KLF8: variants seen among roughly 807,000 people sequenced by gnomAD.
KLF8 encodes the protein KLF transcription factor 8.
Under a neutral mutation model 18.2 loss-of-function variants are expected in KLF8, and 10 were observed. The observed-to-expected ratio is 0.55, with a 90% CI of 0.34 to 0.93. The LOEUF is 0.93. Ranked by LOEUF, KLF8 falls within the 40% of genes least tolerant of loss-of-function variation. KLF8 has a pLI of 0.02. For synonymous variants in KLF8, 109 were observed against 97.3 expected, an observed-to-expected ratio of 1.12 and a Z score of -0.71; for missense variants, 264 against 277.9, an observed-to-expected ratio of 0.95 and a Z score of 0.36.
chrX:55,908,755 C>T, the KLF8 span: 255 of 282,609 alleles, frequency 9.0e-4, no homozygotes, highest in Non-Finnish European at 1.4e-3. Context: ...GGCCCAGGCC[C>T]CGGGGCTGGG....
At chrX:56,123,271 A>AAAAGAAAGAAAGAAAG in the KLF8 span, among the ~76,000 whole-genome samples, 12 of 91,309 alleles carry the variant, frequency 1.3e-4, no homozygotes, top group African/African-American at 3.1e-4. Context: ...GAAAGAAAGA[A>AAAAGAAAGAAAGAAAG]AAAGAAAGAA....
chrX:56,078,313 C>T, the KLF8 span, among the ~76,000 whole-genome samples: 112 of 111,896 alleles, frequency 1.0e-3, no homozygotes, highest in African/African-American at 3.5e-3. Flanking sequence ...TGAGATACAT[C>T]CCATCAATAC....
chrX:56,072,513 G>A, the KLF8 span, among the ~76,000 whole-genome samples: 4 of 110,923 alleles, frequency 3.6e-5, no homozygotes, highest in Non-Finnish European at 5.7e-5. Context: ...AAATTCCCCC[G>A]CTAATATTAG....
At chrX:56,274,362 G>C (rs1013338734) in intron 5 of KLF8, among the ~76,000 whole-genome samples, 1 of 111,637 alleles carries the variant, frequency 9.0e-6, no homozygotes, top group Non-Finnish European at 1.9e-5. Context: ...TGGATTATTA[G>C]ATTTTTCTCC....
the KLF8 span, among the ~76,000 whole-genome samples, chrX:56,042,630 G>A: frequency 8.9e-6 from 1 of 112,049 alleles, no homozygotes; most frequent in Non-Finnish European, 1.9e-5. Flanking sequence ...TTGGTTTAAA[G>A]TTTCTTTGGT....
the KLF8 span, among the ~76,000 whole-genome samples, chrX:55,925,140 C>T: frequency 3.1e-5 from 3 of 98,132 alleles, no homozygotes; most frequent in Non-Finnish European, 4.0e-5. Flanking sequence ...GGATTGCAGG[C>T]GTGAGCCACC....
At chrX:56,154,266 A>T in the KLF8 span, among the ~76,000 whole-genome samples, 1 of 111,513 alleles carries the variant, frequency 9.0e-6, no homozygotes, top group Non-Finnish European at 1.9e-5. Flanking sequence ...ATATAGACCA[A>T]TGGAACAGAA....
chrX:56,059,195 G>A, the KLF8 span, among the ~76,000 whole-genome samples: 1 of 111,893 alleles, frequency 8.9e-6, no homozygotes, highest in African/African-American at 3.2e-5. Context: ...TTATGATGGG[G>A]TGGTTTGCTT....
At chrX:56,173,470 G>C in the KLF8 span, among the ~76,000 whole-genome samples, 1 of 111,445 alleles carries the variant, frequency 9.0e-6, no homozygotes, top group East Asian at 2.8e-4. Flanking sequence ...CTCTGTTTTG[G>C]TACCAGTACC....
At chrX:56,070,733 C>T in the KLF8 span, among the ~76,000 whole-genome samples, 5 of 112,141 alleles carry the variant, frequency 4.5e-5, no homozygotes, top group African/African-American at 1.6e-4. Flanking sequence ...TCATGTTTAC[C>T]TATGTAACAA....
the KLF8 span, among the ~76,000 whole-genome samples, chrX:56,069,075 C>G: frequency 6.3e-5 from 7 of 111,957 alleles, no homozygotes; most frequent in Non-Finnish European, 1.1e-4. Flanking sequence ...CTGGCATGCA[C>G]AGCCTCCTGT....
At chrX:56,057,748 G>C in the KLF8 span, among the ~76,000 whole-genome samples, 1 of 110,964 alleles carries the variant, frequency 9.0e-6, no homozygotes, top group African/African-American at 3.3e-5. Context: ...TTCCTCTAGG[G>C]CTAACGTCTC....
chrX:56,066,890 C>G, the KLF8 span, among the ~76,000 whole-genome samples: 6 of 110,002 alleles, frequency 5.5e-5, no homozygotes, highest in Admixed American at 4.8e-4. Context: ...CTACATTAGT[C>G]TCCAGGCCTA....
the KLF8 span, among the ~76,000 whole-genome samples, chrX:56,166,664 AT>A: frequency 1.8e-5 from 2 of 111,957 alleles, no homozygotes; most frequent in Non-Finnish European, 3.8e-5. Context: ...GGTGAGTCCC[AT>A]TTTCATTCAG....
chrX:55,953,306 C>T, the KLF8 span, among the ~76,000 whole-genome samples: 1 of 111,227 alleles, frequency 9.0e-6, no homozygotes, highest in African/African-American at 3.3e-5. Context: ...GAGGATGCCC[C>T]ATTGAGCTAT....
chrX:56,058,275 TATAC>T, the KLF8 span, among the ~76,000 whole-genome samples: 127 of 35,645 alleles, frequency 3.6e-3, 2 homozygotes, highest in African/African-American at 0.014. Context: ...TATACATATA[TATAC>T]ATATATATAT....
intron 1 of KLF8, among the ~76,000 whole-genome samples, chrX:56,237,129 C>T (rs923710517): frequency 9.7e-6 from 1 of 103,531 alleles, no homozygotes; most frequent in African/African-American, 3.5e-5. Context: ...AATTGTGACC[C>T]CCCCATCCCC....
the KLF8 span, among the ~76,000 whole-genome samples, chrX:56,094,985 G>C: frequency 9.0e-6 from 1 of 110,930 alleles, no homozygotes; most frequent in Non-Finnish European, 1.9e-5. Flanking sequence ...TGCCCTTCAC[G>C]AAATTAGGAA....
At chrX:56,068,454 C>T in the KLF8 span, among the ~76,000 whole-genome samples, 1 of 111,960 alleles carries the variant, frequency 8.9e-6, no homozygotes, top group African/African-American at 3.2e-5. Flanking sequence ...GCAACACTTC[C>T]TAGAGCTTCC....
Sources: allele counts gnomAD v4.1 joint callset (sites outside exome capture counted in the v4.1 genomes callset), GRCh38; gene constraint gnomAD v4.1.1; transcripts MANE v1.5; gene names NCBI Gene and HGNC (gene_info 2026-07-23, HGNC 2026-07-21).